The following MEI4 variants were observed in gnomAD, a reference collection of about 807,000 sequenced individuals.
MEI4 encodes the protein meiosis-specific protein MEI4.
A neutral mutation model predicts 31.4 loss-of-function variants in MEI4; 27 were observed. That is an observed-to-expected ratio of 0.86 (90% CI 0.63 to 1.19). The LOEUF (loss-of-function observed/expected upper bound fraction) is 1.19. MEI4 is among the 50% of genes most tolerant of loss of function. The pLI, the probability that MEI4 is intolerant of heterozygous loss-of-function variation, is 0.00. For synonymous variants in MEI4, 122 were observed against 145.4 expected (o/e 0.84, Z 1.16); for missense variants, 329 against 398.9 (o/e 0.82, Z 1.49).
intron 2 of MEI4, among the ~76,000 whole-genome samples, chr6:77,702,422 T>C (rs1260578734): frequency 6.6e-6 from 1 of 152,240 alleles, no homozygotes; most frequent in Non-Finnish European, 1.5e-5. Context: ...TGGAAGTTTG[T>C]TTAAAATTGT....
At chr6:77,890,026 G>T (rs531343034) in intron 4 of MEI4, among the ~76,000 whole-genome samples, 9 of 152,348 alleles carry the variant, frequency 5.9e-5, no homozygotes, top group Admixed American at 1.3e-4. Context: ...TGCTGCAGGG[G>T]CAGAGCCCTC....
intron 2 of MEI4, among the ~76,000 whole-genome samples, chr6:77,757,766 G>A (rs753318693): frequency 3.3e-5 from 5 of 152,200 alleles, no homozygotes; most frequent in South Asian, 4.1e-4. Context: ...AGTGTAGTCC[G>A]TATTTCCCCT....
At chr6:77,743,079 G>A (rs9350722) in intron 2 of MEI4, among the ~76,000 whole-genome samples, 9,389 of 151,826 alleles carry the variant, frequency 0.062, 788 homozygotes, top group African/African-American at 0.19. Flanking sequence ...TGTTCTTTTG[G>A]CTTAGGATTG....
At chr6:77,681,226 A>T (rs1197789655) in intron 1 of MEI4, among the ~76,000 whole-genome samples, 1 of 152,072 alleles carries the variant, frequency 6.6e-6, no homozygotes, top group Non-Finnish European at 1.5e-5. Context: ...GTTCATTCTT[A>T]TTTTATGACA....
intron 4 of MEI4, among the ~76,000 whole-genome samples, chr6:77,871,798 AG>A (rs1771200367): frequency 6.6e-6 from 1 of 152,188 alleles, no homozygotes; most frequent in South Asian, 2.1e-4. Context: ...CTACACAGAA[AG>A]GGGGAGTCAC....
At chr6:77,885,620 G>A (rs1771600628) in intron 4 of MEI4, among the ~76,000 whole-genome samples, 1 of 151,964 alleles carries the variant, frequency 6.6e-6, no homozygotes, top group Admixed American at 6.6e-5. Flanking sequence ...TGCAAAGAGG[G>A]ATAATTTAAC....
At chr6:77,658,551 G>C (rs1483565176) in intron 1 of MEI4, among the ~76,000 whole-genome samples, 1 of 152,048 alleles carries the variant, frequency 6.6e-6, no homozygotes, top group Non-Finnish European at 1.5e-5. Context: ...TGGAGAGAGA[G>C]TGGGCGATGT....
intron 2 of MEI4, among the ~76,000 whole-genome samples, chr6:77,729,440 G>A (rs1479509955): frequency 6.6e-6 from 1 of 152,206 alleles, no homozygotes; most frequent in Non-Finnish European, 1.5e-5. Flanking sequence ...TACACCCAGT[G>A]ATTCTGATGT....
In MEI4 at chr6:77,787,589, C is replaced by T. The variant is rs144081737; in HGVS notation, c.768+25924C>T. 1.4e-3 allele frequency among the ~76,000 whole-genome samples: 219 copies of T among 152,150 alleles called. 1 individual carries two copies. The highest frequency in any genetic ancestry group is 4.6e-3 in the African/African-American group (192 of 41,502). Reference sequence around the variant, plus strand: ...ATTGGCATAAATCAGTCTAAAAAGACGGGAAGAGGTGTTTGCTCCTTCAAA... The same window carrying T: ...ATTGGCATAAATCAGTCTAAAAAGATGGGAAGAGGTGTTTGCTCCTTCAAA... On this transcript the variant is annotated intron_variant, in intron 3 of 4. Coordinates refer to ENST00000684080, the MANE Select transcript of MEI4 (RefSeq NM_001322247.2).
intron 2 of MEI4, among the ~76,000 whole-genome samples, chr6:77,692,623 T>C (rs550478457): frequency 2.0e-5 from 3 of 152,192 alleles, no homozygotes; most frequent in Admixed American, 6.6e-5. Flanking sequence ...GTAGACACTT[T>C]AGACATTTAT....
chr6:77,652,341 G>C (rs889705468), upstream of MEI4, among the ~76,000 whole-genome samples: 4 of 152,208 alleles, frequency 2.6e-5, no homozygotes, highest in Non-Finnish European at 2.9e-5. Flanking sequence ...AGGAGTGCTC[G>C]TCAGGGTCAA....
chr6:77,693,045 A>G (rs1337698259), intron 2 of MEI4, among the ~76,000 whole-genome samples: 1 of 152,112 alleles, frequency 6.6e-6, no homozygotes, highest in Non-Finnish European at 1.5e-5. Flanking sequence ...AAGAGCGTGC[A>G]GCAGGTGTAA....
chr6:77,696,029 G>A (rs372219060), intron 2 of MEI4, among the ~76,000 whole-genome samples: 2 of 152,072 alleles, frequency 1.3e-5, no homozygotes, highest in Admixed American at 1.3e-4. Context: ...TGAAGCAATT[G>A]TGAATGGGAG....
At chr6:77,911,733 A>AT (rs1413739746) in intron 4 of MEI4, among the ~76,000 whole-genome samples, 2 of 147,058 alleles carry the variant, frequency 1.4e-5, no homozygotes, top group African/African-American at 4.9e-5. Context: ...TTATATATAT[A>AT]ATATATATAT....
At chr6:77,881,805 A>T (rs1771497554) in intron 4 of MEI4, among the ~76,000 whole-genome samples, 1 of 152,224 alleles carries the variant, frequency 6.6e-6, no homozygotes, top group African/African-American at 2.4e-5. Context: ...AAAGTGTGAA[A>T]TATAAGGGGA....
chr6:77,741,464 TTCAAGAGA>T (rs1237436993), intron 2 of MEI4, among the ~76,000 whole-genome samples: 1 of 151,962 alleles, frequency 6.6e-6, no homozygotes, highest in African/African-American at 2.4e-5. Flanking sequence ...TGGTAATCAG[TTCAAGAGA>T]TCATAATGAT....
intron 4 of MEI4, among the ~76,000 whole-genome samples, chr6:77,829,807 GAGAA>G (rs1770034996): frequency 6.6e-6 from 1 of 152,220 alleles, no homozygotes; most frequent in South Asian, 2.1e-4. Context: ...TCTTGGTAAA[GAGAA>G]AGAACTTTAA....
intron 4 of MEI4, among the ~76,000 whole-genome samples, chr6:77,881,938 A>T (rs887205665): frequency 6.6e-6 from 1 of 152,208 alleles, no homozygotes; most frequent in African/African-American, 2.4e-5. Flanking sequence ...TTATGATGGT[A>T]ACCACCTGGA....
At chr6:77,712,184 TATACACAC>T (rs1766480005) in intron 2 of MEI4, among the ~76,000 whole-genome samples, 1 of 152,210 alleles carries the variant, frequency 6.6e-6, no homozygotes, top group Non-Finnish European at 1.5e-5. Context: ...TTTGTTTGCA[TATACACAC>T]ACATACACAT....
Sources: allele counts gnomAD v4.1 joint callset (sites outside exome capture counted in the v4.1 genomes callset), GRCh38; gene constraint gnomAD v4.1.1; transcripts MANE v1.5; gene names NCBI Gene and HGNC (gene_info 2026-07-23, HGNC 2026-07-21).